Variants in ELP4 observed in about 807,000 individuals in gnomAD.
ELP4 encodes the protein elongator acetyltransferase complex subunit 4.
A neutral mutation model predicts 48.9 loss-of-function variants in ELP4; 51 were observed. The ratio of observed to expected loss-of-function variants is 1.04; its 90% CI spans 0.83 to 1.32. The LOEUF is 1.32. ELP4 is among the 40% of genes most tolerant of loss of function. ELP4 has a pLI of 0.00. For missense variants in ELP4, 519 were observed against 514.6 expected (o/e 1.01, Z -0.08); for synonymous variants, 210 against 189.2 (o/e 1.11, Z -0.90).
At chr11:31,549,936 T>C (rs1292905044) in intron 3 of ELP4, among the ~76,000 whole-genome samples, 1 of 151,630 alleles carries the variant, frequency 6.6e-6, no homozygotes. Flanking sequence ...AATTGAACAA[T>C]GAGAACACAT....
intron 9 of ELP4, among the ~76,000 whole-genome samples, chr11:31,742,780 G>A (rs1280490289): frequency 5.3e-5 from 8 of 152,198 alleles, no homozygotes; most frequent in East Asian, 3.9e-4. Flanking sequence ...CAACCAGTAC[G>A]AGCCACTGCA....
rs868461757 is a variant in ELP4, at chr11:31,632,474, G to T, written c.927+69G>T. 5 of 1,252,882 alleles carry T rather than the reference G, an allele frequency of 4.0e-6. No individual in the cohort carries two copies. In the Middle Eastern group the frequency reaches 7.9e-4, roughly 198 times the overall value. The allele number at this position is 1,252,882 out of a possible 1,614,324, so 77.6% of individuals were successfully genotyped here. The stretch of plus-strand genomic sequence containing the variant: ...TAGTATGACATTGTGGTTTTAGTTT[G>T]CATTTCCATGATAACTAATGATGTT... On this transcript the variant is annotated intron_variant, in intron 7 of 9. Transcript: ENST00000640961.
intron 9 of ELP4, among the ~76,000 whole-genome samples, chr11:31,687,960 G>C (rs867793704): frequency 4.3e-4 from 66 of 152,302 alleles, no homozygotes; most frequent in African/African-American, 1.4e-3. Flanking sequence ...ACAGAAATAT[G>C]TAAAATCACG....
intron 9 of ELP4, among the ~76,000 whole-genome samples, chr11:31,667,306 G>T (rs1008000444): frequency 6.6e-6 from 1 of 151,996 alleles, no homozygotes; most frequent in East Asian, 1.9e-4. Flanking sequence ...TTTTAGTATA[G>T]GGAGTATTTT....
intron 8 of ELP4, 110 bp downstream of exon 8, chr11:31,647,959 T>C (rs538301162): frequency 3.1e-6 from 2 of 641,744 alleles, no homozygotes; most frequent in African/African-American, 1.8e-5. Context: ...AATTTTATAA[T>C]ACACCTGTTA....
chr11:31,545,175 G>A (rs917907206), intron 3 of ELP4, among the ~76,000 whole-genome samples: 17 of 152,244 alleles, frequency 1.1e-4, no homozygotes, highest in African/African-American at 3.1e-4. Flanking sequence ...GGCTTCAGAC[G>A]ATCAAACTAC....
chr11:31,565,899 A>G (rs1957103312), intron 3 of ELP4, among the ~76,000 whole-genome samples: 1 of 152,220 alleles, frequency 6.6e-6, no homozygotes, highest in African/African-American at 2.4e-5. Context: ...GTTTTTTCCA[A>G]TTCTGTGAAG....
chr11:31,763,830 T>G (rs1013641355), intron 9 of ELP4, among the ~76,000 whole-genome samples: 2 of 151,916 alleles, frequency 1.3e-5, no homozygotes, highest in Non-Finnish European at 2.9e-5. Flanking sequence ...AAGAAATGAG[T>G]TTTCAATGTC....
intron 9 of ELP4, among the ~76,000 whole-genome samples, chr11:31,699,708 T>A (rs1482999990): frequency 6.6e-6 from 1 of 152,042 alleles, no homozygotes; most frequent in African/African-American, 2.4e-5. Flanking sequence ...GACATGACAG[T>A]GGAGAAATTT....
At chr11:31,652,515 A>G (rs1945341960) in intron 9 of ELP4, 1 of 151,754 alleles carries the variant, frequency 6.6e-6, no homozygotes, top group Non-Finnish European at 1.5e-5. Flanking sequence ...TAACTAGTTC[A>G]AGGATTCCTT....
chr11:31,511,089 A>G (rs868325535), intron 1 of ELP4: 4 of 152,210 alleles, frequency 2.6e-5, no homozygotes, highest in Admixed American at 6.5e-5. Flanking sequence ...TATGAGAAAG[A>G]GTATGGCTTC....
chr11:31,511,245 A>G (rs1290478539), intron 1 of ELP4: 1 of 152,152 alleles, frequency 6.6e-6, no homozygotes, highest in Admixed American at 6.5e-5. Flanking sequence ...TATATAGTCC[A>G]CCGTTTTTCC....
chr11:31,675,472 G>A (rs1243248382), intron 9 of ELP4, among the ~76,000 whole-genome samples: 2 of 151,996 alleles, frequency 1.3e-5, no homozygotes, highest in African/African-American at 4.8e-5. Context: ...CCATGTTGAG[G>A]CTGGTCTCGA....
chr11:31,649,837 TG>T (rs1945283760), intron 8 of ELP4: 1 of 267,894 alleles, frequency 3.7e-6, no homozygotes, highest in African/African-American at 2.2e-5. Flanking sequence ...ACAAACCGGC[TG>T]TAGTTTTGAC....
At chr11:31,669,970 G>C (rs182831053) in intron 9 of ELP4, among the ~76,000 whole-genome samples, 12 of 152,196 alleles carry the variant, frequency 7.9e-5, no homozygotes, top group African/African-American at 2.9e-4. Context: ...ATCTAACTCA[G>C]TCTTTCCTTC....
intron 1 of ELP4, among the ~76,000 whole-genome samples, chr11:31,516,667 T>C (rs1418490943): frequency 1.3e-5 from 2 of 152,200 alleles, no homozygotes; most frequent in African/African-American, 4.8e-5. Flanking sequence ...AATTTTTGTA[T>C]TTTTTGTAGA....
At chr11:31,621,218 A>ACTTTCTCATTTATTTGC (rs1944613895) in intron 5 of ELP4, among the ~76,000 whole-genome samples, 1 of 151,954 alleles carries the variant, frequency 6.6e-6, no homozygotes, top group African/African-American at 2.4e-5. Context: ...GAATTTTGGT[A>ACTTTCTCATTTATTTGC]ATACAAATCA....
chr11:31,738,766 T>C (rs866513546), intron 9 of ELP4, among the ~76,000 whole-genome samples: 1 of 152,146 alleles, frequency 6.6e-6, no homozygotes. Context: ...TTATAACATA[T>C]TCTGCAGCAT....
intron 9 of ELP4, among the ~76,000 whole-genome samples, chr11:31,698,872 A>G (rs912939732): frequency 1.7e-4 from 26 of 152,202 alleles, no homozygotes; most frequent in African/African-American, 2.9e-4. Flanking sequence ...ATCAAAATAC[A>G]TATTACCATG....
Sources: allele counts gnomAD v4.1 joint callset (sites outside exome capture counted in the v4.1 genomes callset), GRCh38; gene constraint gnomAD v4.1.1; transcripts MANE v1.5; gene names NCBI Gene and HGNC (gene_info 2026-07-23, HGNC 2026-07-21).